The following CDH13 variants were observed in gnomAD, a reference collection of about 807,000 sequenced individuals.
The protein encoded by CDH13 is cadherin-13.
A neutral mutation model predicts 63.8 loss-of-function variants in CDH13; 24 were observed. The observed-to-expected ratio is 0.38, with a 90% confidence interval of 0.27 to 0.53. The LOEUF is 0.53. Among genes scored for constraint, CDH13 ranks in the 20% least tolerant of loss-of-function variants. The pLI is 0.85. For synonymous variants in CDH13, 503 were observed against 355.3 expected (o/e 1.42, Z -4.67); for missense variants, 1,049 against 903.1 (o/e 1.16, Z -2.07).
intron 8 of CDH13, among the ~76,000 whole-genome samples, chr16:83,659,785 C>CTTT (rs35285231): frequency 1.3e-4 from 16 of 122,922 alleles, no homozygotes; most frequent in East Asian, 4.9e-4. Context: ...AGTCCACAAC[C>CTTT]TTTTTTTTTT....
intron 8 of CDH13, among the ~76,000 whole-genome samples, chr16:83,635,721 T>A (rs1407235938): frequency 1.3e-5 from 2 of 152,210 alleles, no homozygotes; most frequent in Non-Finnish European, 2.9e-5. Flanking sequence ...TTGTCGGAGA[T>A]GTGGCTTGCA....
chr16:82,845,311 G>A (rs2039211541), intron 1 of CDH13, among the ~76,000 whole-genome samples: 1 of 152,168 alleles, frequency 6.6e-6, no homozygotes, highest in African/African-American at 2.4e-5. Flanking sequence ...GTCCATAGGA[G>A]CATTAACTCC....
At chr16:83,496,422 T>C (rs1327828348) in intron 7 of CDH13, among the ~76,000 whole-genome samples, 1 of 151,288 alleles carries the variant, frequency 6.6e-6, no homozygotes, top group African/African-American at 2.4e-5. Context: ...GGATTCCCTG[T>C]TTAATAAATG....
chr16:83,285,809 T>C (rs920209979), intron 5 of CDH13, among the ~76,000 whole-genome samples: 1 of 152,140 alleles, frequency 6.6e-6, no homozygotes, highest in Admixed American at 6.5e-5. Flanking sequence ...TTGTTGGCAG[T>C]TTTATTAATC....
intron 1 of CDH13, among the ~76,000 whole-genome samples, chr16:82,773,112 C>G (rs903355032): frequency 1.3e-5 from 2 of 152,204 alleles, no homozygotes; most frequent in African/African-American, 4.8e-5. Context: ...TCAGAATCAG[C>G]TCCAGGCTGG....
chr16:82,632,534 G>A (rs2116971), intron 1 of CDH13, among the ~76,000 whole-genome samples: 59,326 of 151,884 alleles, frequency 0.39, 12,219 homozygotes, highest in Non-Finnish European at 0.45. Context: ...GAGTCAGTAC[G>A]AGCCCTGGCA....
chr16:83,706,555 A>C (rs1422970186), intron 10 of CDH13, among the ~76,000 whole-genome samples: 2 of 152,236 alleles, frequency 1.3e-5, no homozygotes, highest in Non-Finnish European at 2.9e-5. Flanking sequence ...TGGGGAAATC[A>C]GTGAACCCTT....
chr16:82,675,195 G>A (rs1290784016), intron 1 of CDH13, among the ~76,000 whole-genome samples: 5 of 152,130 alleles, frequency 3.3e-5, no homozygotes, highest in Non-Finnish European at 7.3e-5. Context: ...GAATTAGAGG[G>A]AGATAATTTC....
At chr16:83,042,721 G>C (rs889413383) in intron 3 of CDH13, among the ~76,000 whole-genome samples, 7 of 152,148 alleles carry the variant, frequency 4.6e-5, no homozygotes, top group Non-Finnish European at 1.5e-5. Flanking sequence ...CAACAAGCTC[G>C]TGGTAAATTA....
chr16:82,738,667 T>G (rs573640739), intron 1 of CDH13, among the ~76,000 whole-genome samples: 2 of 152,268 alleles, frequency 1.3e-5, no homozygotes, highest in East Asian at 1.9e-4. Flanking sequence ...ATCTACCATT[T>G]CCTTTTCCTA....
intron 1 of CDH13, among the ~76,000 whole-genome samples, chr16:82,794,188 T>C (rs1037473342): frequency 1.1e-4 from 16 of 151,750 alleles, no homozygotes; most frequent in Admixed American, 8.5e-4. Flanking sequence ...CTTTTCTTTT[T>C]TTTTTTAGTT....
Position 83,262,838 on chromosome 16 carries a change from C to T in CDH13, c.636+45341C>T, listed in dbSNP as rs530753394. Among the ~76,000 whole-genome samples, 166 of 152,300 alleles carry T rather than the reference C, an allele frequency of 1.1e-3. 1 individual carries two copies. Among genetic ancestry groups the T allele is most frequent in the African/African-American group, 3.8e-3 (156 of 41,566 alleles). ...AATGGTTTTAAAAGCTTTCTCCCAA[C>T]GCTTTTATGTTGCCTATTTGGACCA... On this transcript the variant is annotated intron_variant, in intron 5 of 13. Coordinates refer to ENST00000567109, the MANE Select transcript of CDH13 (RefSeq NM_001257.5).
chr16:83,558,282 C>T (rs2075640551), intron 7 of CDH13, among the ~76,000 whole-genome samples: 2 of 152,124 alleles, frequency 1.3e-5, no homozygotes, highest in Admixed American at 1.3e-4. Flanking sequence ...CAGCGCGGTA[C>T]CAGTTAGCAG....
chr16:83,611,773 T>C (rs553953336), intron 8 of CDH13, among the ~76,000 whole-genome samples: 10 of 152,252 alleles, frequency 6.6e-5, no homozygotes, highest in Admixed American at 2.6e-4. Context: ...GTCCCTTTTG[T>C]GACTTGTGGT....
At chr16:83,779,874 G>T (rs1409734739) in intron 11 of CDH13, 94 bp from the exon 12 acceptor site, 2 of 825,730 alleles carry the variant, frequency 2.4e-6, no homozygotes, top group East Asian at 2.7e-5. Flanking sequence ...TAAAATAACT[G>T]CAAAATATAC....
chr16:83,323,314 TG>T (rs1160854715), intron 5 of CDH13, among the ~76,000 whole-genome samples: 2 of 150,990 alleles, frequency 1.3e-5, no homozygotes, highest in African/African-American at 4.9e-5. Flanking sequence ...TCGCTTTTTT[TG>T]CCCATGCTGG....
intron 1 of CDH13, among the ~76,000 whole-genome samples, chr16:82,828,182 G>A (rs959442451): frequency 5.3e-5 from 8 of 152,178 alleles, no homozygotes; most frequent in Non-Finnish European, 8.8e-5. Context: ...GAGCTGTGTT[G>A]AGGAAGAGAG....
chr16:83,594,558 A>G (rs1907075593), intron 7 of CDH13, among the ~76,000 whole-genome samples: 2 of 152,210 alleles, frequency 1.3e-5, no homozygotes, highest in South Asian at 4.1e-4. Context: ...CAAGAACTAG[A>G]GGTGAAACAT....
At chr16:82,666,845 C>T (rs900078752) in intron 1 of CDH13, among the ~76,000 whole-genome samples, 1 of 152,190 alleles carries the variant, frequency 6.6e-6, no homozygotes, top group Non-Finnish European at 1.5e-5. Context: ...TTCCCACCAT[C>T]CAAACGATGC....
Sources: gnomAD v4.1 joint callset for allele counts (sites outside exome capture counted in the v4.1 genomes callset) on GRCh38, gnomAD v4.1.1 for gene constraint, MANE v1.5 for transcripts, NCBI Gene and HGNC (gene_info 2026-07-23, HGNC 2026-07-21) for gene names.